NFIB: variants seen among roughly 807,000 people sequenced by gnomAD.
NFIB encodes the protein nuclear factor 1 B-type.
In NFIB, 11 loss-of-function variants were observed where a neutral mutation model predicts 61.5. That is an observed-to-expected ratio of 0.18 (90% CI 0.11 to 0.30). The LOEUF (loss-of-function observed/expected upper bound fraction) is 0.30, where lower values mean the gene tolerates loss of function less well. Ranked by LOEUF, NFIB falls within the 10% of genes least tolerant of loss-of-function variation. The pLI, the probability that NFIB is intolerant of heterozygous loss-of-function variation, is 1.00. For missense variants in NFIB, 471 were observed against 608.9 expected (o/e 0.77, Z 2.38); for synonymous variants, 260 against 216.5 (o/e 1.20, Z -1.76).
chr9:14,125,899 G>T, intron 6 of NFIB, 133 bp from the exon 7 acceptor site: 1 of 1,172,800 alleles, frequency 8.5e-7, no homozygotes, highest in Non-Finnish European at 1.2e-6. Context: ...AATATATTCT[G>T]AGTGTCAACG....
chr9:14,423,536 G>A, the NFIB span, among the ~76,000 whole-genome samples: 3 of 152,126 alleles, frequency 2.0e-5, no homozygotes, highest in Admixed American at 6.5e-5. Context: ...AGAAAAGTTC[G>A]AAGAGGTAAA....
At chr9:14,314,953 C>T (rs1043408288), upstream of NFIB, among the ~76,000 whole-genome samples, 1 of 152,028 alleles carries the variant, frequency 6.6e-6, no homozygotes, top group African/African-American at 2.4e-5. Flanking sequence ...CCGAAACCGT[C>T]TGAGCCCGAG....
intron 1 of NFIB, among the ~76,000 whole-genome samples, chr9:14,328,218 C>A (rs747984606): frequency 4.6e-5 from 7 of 152,194 alleles, no homozygotes; most frequent in Non-Finnish European, 8.8e-5. Context: ...TATCAGGGCT[C>A]ACTACATCCT....
chr9:14,494,409 C>A, the NFIB span, among the ~76,000 whole-genome samples: 1 of 152,196 alleles, frequency 6.6e-6, no homozygotes, highest in Non-Finnish European at 1.5e-5. Context: ...AAGACGTAAA[C>A]ATGACCTTTC....
intron 10 of NFIB, 133 bp from the exon 11 acceptor site, chr9:14,088,459 CTAATA>C (rs1242778760): frequency 2.1e-6 from 2 of 939,608 alleles, no homozygotes; most frequent in East Asian, 3.3e-5. Context: ...AAATTACAGT[CTAATA>C]TGAGATAAAT....
At chr9:14,203,726 A>C (rs1360313994) in intron 2 of NFIB, among the ~76,000 whole-genome samples, 3 of 152,232 alleles carry the variant, frequency 2.0e-5, no homozygotes, top group African/African-American at 7.2e-5. Flanking sequence ...TATTTCCCTC[A>C]TAAATAAGAC....
chr9:14,297,200 T>C (rs1284735026), intron 2 of NFIB, among the ~76,000 whole-genome samples: 1 of 152,240 alleles, frequency 6.6e-6, no homozygotes, highest in African/African-American at 2.4e-5. Flanking sequence ...TGTTCTCATA[T>C]CACAGTCTCA....
At chr9:14,385,865 C>T (rs1322371143) in intron 1 of NFIB, among the ~76,000 whole-genome samples, 1 of 151,752 alleles carries the variant, frequency 6.6e-6, no homozygotes, top group Non-Finnish European at 1.5e-5. Context: ...TCACTGAAAC[C>T]TCCATTTCCC....
At chr9:14,235,142 AAATAAAG>A (rs1167357012) in intron 2 of NFIB, among the ~76,000 whole-genome samples, 7 of 152,300 alleles carry the variant, frequency 4.6e-5, no homozygotes, top group Non-Finnish European at 4.4e-5. Context: ...ATTGAAAACA[AAATAAAG>A]AATAAACACC....
rs191673449 is a variant in NFIB at position 14,378,395 on chromosome 9, T to G, written c.108+20129A>C. 3.0e-3 allele frequency among the ~76,000 whole-genome samples: 453 copies of G among 152,304 alleles called. 1 individual carries two copies. Among genetic ancestry groups the G allele is most frequent in the Non-Finnish European group, 5.5e-3 (373 of 68,022 alleles). ...TGTTTTGAGATGGAGTCTCGCTCTG[T>G]CACCAGGCTGGAGTGCAGTGGCGCA... On this transcript the variant is annotated intron_variant, in intron 1 of 8. Coordinates refer to the NFIB transcript ENST00000380934.
chr9:14,124,759 C>T (rs947234911), intron 7 of NFIB, among the ~76,000 whole-genome samples: 1 of 152,068 alleles, frequency 6.6e-6, no homozygotes, highest in African/African-American at 2.4e-5. Flanking sequence ...GGTTAAAGTA[C>T]AAATGTCAAA....
intron 4 of NFIB, among the ~76,000 whole-genome samples, chr9:14,150,705 A>G (rs1270546384): frequency 6.6e-6 from 1 of 152,142 alleles, no homozygotes; most frequent in African/African-American, 2.4e-5. Flanking sequence ...CGTTTCACAA[A>G]AAAAAGCAAA....
At chr9:14,401,111 T>C (rs2061738832), upstream of NFIB, among the ~76,000 whole-genome samples, 1 of 152,212 alleles carries the variant, frequency 6.6e-6, no homozygotes, top group South Asian at 2.1e-4. Context: ...GCTCAATAGA[T>C]ATGACAGACA....
At chr9:14,203,456 T>A (rs2049279839) in intron 2 of NFIB, among the ~76,000 whole-genome samples, 1 of 152,230 alleles carries the variant, frequency 6.6e-6, no homozygotes, top group Non-Finnish European at 1.5e-5. Context: ...GTAAAAACAT[T>A]CTGCCCCCTG....
rs1237195407 is a variant in NFIB, at chr9:14,396,556, A to C, written c.108+1968T>G. Among the ~76,000 whole-genome samples the C allele has an allele frequency of 2.0e-5, 3 of 152,074 alleles. No individual in the cohort carries two copies. In the East Asian group the frequency reaches 5.8e-4, roughly 29 times the overall value. ...GGACCTGGGCTTTGGGGAAAAAAAA[A>C]CAAACCCAAAACCCTTATATTACAT... On this transcript the variant is annotated intron_variant, in intron 1 of 8. Transcript: ENST00000380934.
chr9:14,443,027 C>T, the NFIB span, among the ~76,000 whole-genome samples: 3 of 135,150 alleles, frequency 2.2e-5, no homozygotes, highest in Admixed American at 7.5e-5. Context: ...CTAACCCAAC[C>T]CCCCACCCGC....
At chr9:14,487,180 T>C in the NFIB span, among the ~76,000 whole-genome samples, 1 of 152,192 alleles carries the variant, frequency 6.6e-6, no homozygotes, top group Non-Finnish European at 1.5e-5. Context: ...TCAGACAAGG[T>C]TTGAGCGCAC....
the NFIB span, among the ~76,000 whole-genome samples, chr9:14,413,777 C>CCT: frequency 6.6e-6 from 1 of 152,116 alleles, no homozygotes; most frequent in African/African-American, 2.4e-5. Context: ...AACAGCATGA[C>CCT]CTAAGACAGC....
intron 2 of NFIB, among the ~76,000 whole-genome samples, chr9:14,198,116 T>A (rs1240375828): frequency 6.6e-6 from 1 of 152,182 alleles, no homozygotes; most frequent in Non-Finnish European, 1.5e-5. Context: ...AATTCCATAT[T>A]CCTCAAATGG....
Sources: gnomAD v4.1 joint callset for allele counts (sites outside exome capture counted in the v4.1 genomes callset) on GRCh38, gnomAD v4.1.1 for gene constraint, MANE v1.5 for transcripts, NCBI Gene and HGNC (gene_info 2026-07-23, HGNC 2026-07-21) for gene names.